The following CBL variants were observed in gnomAD, a reference collection of about 807,000 sequenced individuals.
CBL encodes Cbl proto-oncogene.
In CBL, 45 loss-of-function variants were observed where a neutral mutation model predicts 96.9. That is an observed-to-expected ratio of 0.46 (90% CI 0.37 to 0.60). The LOEUF is 0.60. Ranked by LOEUF, CBL falls within the 20% of genes least tolerant of loss-of-function variation. The probability of loss-of-function intolerance (pLI) is 0.00; values close to 1 mark genes in which losing one functional copy is unlikely to be tolerated. For synonymous variants in CBL, 420 were observed against 426.8 expected (o/e 0.98, Z 0.20); for missense variants, 1,024 against 1,143.5 (o/e 0.90, Z 1.51).
At chr11:119,223,007 C>A (rs964840817) in intron 1 of CBL, among the ~76,000 whole-genome samples, 2 of 151,754 alleles carry the variant, frequency 1.3e-5, no homozygotes, top group Non-Finnish European at 2.9e-5. Flanking sequence ...GAGGCCCTAT[C>A]GCTGCAAAAA....
chr11:119,245,852 C>T (rs1949624035), intron 2 of CBL, among the ~76,000 whole-genome samples: 1 of 150,468 alleles, frequency 6.6e-6, no homozygotes, highest in Non-Finnish European at 1.5e-5. Context: ...TGGGATCTCA[C>T]TATGTTGCCC....
intron 2 of CBL, among the ~76,000 whole-genome samples, chr11:119,257,752 ATTC>A (rs144750406): frequency 0.048 from 7,355 of 152,162 alleles, 584 homozygotes; most frequent in African/African-American, 0.17. Context: ...ATTCATTTTC[ATTC>A]TTCTACATGT....
intron 1 of CBL, among the ~76,000 whole-genome samples, chr11:119,212,760 C>G (rs1949328731): frequency 1.3e-5 from 2 of 151,730 alleles, no homozygotes. Flanking sequence ...CCTGTAATCC[C>G]AGCACTTTGG....
intron 2 of CBL, among the ~76,000 whole-genome samples, chr11:119,251,646 G>A (rs1249419696): frequency 6.6e-6 from 1 of 152,174 alleles, no homozygotes; most frequent in Non-Finnish European, 1.5e-5. Flanking sequence ...CATAACGAGA[G>A]TTTCACTCCT....
Position 119,271,822 on chromosome 11 carries a change from C to CA in CBL, c.532dup (p.Thr178AsnfsTer6). The CA allele has an allele frequency of 6.2e-7, 1 of 1,613,908 alleles. No homozygotes were observed. The highest frequency in any genetic ancestry group is 8.5e-7 in the Non-Finnish European group (1 of 1,179,862). ...TTCCAAGTGGACTCTTTCAGGGAGA[C>CA]ACATTTCGGATTACTAAAGCAGATG... On this transcript the variant is annotated frameshift_variant, in exon 3 of 16. Transcript: ENST00000264033. LOFTEE classifies it high-confidence loss of function.
At position 119,307,093 on chromosome 11, in the gene CBL, T is replaced by C. The variant is rs1950149339; in HGVS notation, c.*7312T>C. On this transcript the variant is annotated 3_prime_UTR_variant, in exon 16 of 16. Coordinates refer to ENST00000264033, the MANE Select transcript of CBL (RefSeq NM_005188.4). ...GTGTCTAGGAGACAGGAAAGAATGC[T>C]CTCTGTGACTGGAGAGGTGACATGC... is the stretch of plus-strand genomic sequence containing the variant. The C allele has an allele frequency of 4.3e-6, 1 of 231,132 alleles. No homozygotes were observed. The highest frequency in any genetic ancestry group is 2.2e-5 in the African/African-American group (1 of 45,212). 14.3% of individuals were successfully genotyped at this position (231,132 alleles called of 1,614,324 possible). A position where few individuals can be genotyped will look rare whatever the true frequency, so the allele number is the denominator to read the frequency against.
intron 2 of CBL, among the ~76,000 whole-genome samples, chr11:119,262,438 A>C (rs1215104353): frequency 6.6e-6 from 1 of 152,234 alleles, no homozygotes; most frequent in African/African-American, 2.4e-5. Context: ...GTTTTGAAGA[A>C]TGTCCCACAG....
chr11:119,253,404 G>C (rs1949685355), intron 2 of CBL, among the ~76,000 whole-genome samples: 1 of 142,350 alleles, frequency 7.0e-6, no homozygotes, highest in African/African-American at 2.6e-5. Context: ...GATCACTTGA[G>C]CCCAGGAGTT....
rs745960985 is a variant in CBL, at chr11:119,278,318, T to C, written c.1227+21T>C. On this transcript the variant is annotated intron_variant, in intron 8 of 15. Transcript: ENST00000264033. Reference sequence around the variant, plus strand: ...GGCAGGTACGGATCTAAACAGCGACTTTTTTCAGCTATGTAATAACCTTGG... The same window carrying C: ...GGCAGGTACGGATCTAAACAGCGACCTTTTTCAGCTATGTAATAACCTTGG... 1.9e-6 allele frequency: 3 copies of C among 1,613,560 alleles called. No individual in the cohort carries two copies. The South Asian group carries it at 3.3e-5, about 18-fold the overall frequency.
chr11:119,226,639 A>G (rs777772736), intron 1 of CBL, among the ~76,000 whole-genome samples: 6 of 151,780 alleles, frequency 4.0e-5, no homozygotes, highest in South Asian at 2.1e-4. Context: ...CGCATTTTTC[A>G]TAGAGACGGA....
In CBL at chr11:119,285,382, T is replaced by C. The variant is rs1029154785; in HGVS notation, c.1757T>C (p.Leu586Pro). ...CTGCCCCCTGTCCCCTCTAGCCGCC[T>C]TGGAGACTCATGGCTGCCCCGGCCA... ...DKLPPVPSSR[L>P]GDSWLPRPIP... Residue 586 changes from leucine (L) to proline (P), a missense_variant, in exon 11 of 16, where the codon CTT becomes CCT. Transcript: ENST00000264033. 17 of 1,614,008 alleles carry C rather than the reference T, an allele frequency of 1.1e-5. No homozygotes were observed. Among genetic ancestry groups the C allele is most frequent in the Non-Finnish European group, 1.2e-5 (14 of 1,180,010 alleles).
intron 2 of CBL, among the ~76,000 whole-genome samples, chr11:119,270,681 C>T (rs191328072): frequency 0.014 from 2,164 of 151,080 alleles, 40 homozygotes; most frequent in African/African-American, 0.048. Context: ...CTCCTGACCT[C>T]GTGATCCGCC....
chr11:119,261,937 TA>T (rs1301588558), intron 2 of CBL, among the ~76,000 whole-genome samples: 1 of 152,234 alleles, frequency 6.6e-6, no homozygotes, highest in African/African-American at 2.4e-5. Context: ...TAGAGTCATT[TA>T]AAAATATTAT....
At chr11:119,222,350 A>G (rs959297824) in intron 1 of CBL, among the ~76,000 whole-genome samples, 1 of 152,192 alleles carries the variant, frequency 6.6e-6, no homozygotes, top group East Asian at 1.9e-4. Context: ...ATTCCTCTTT[A>G]TTGTGATCAT....
chr11:119,216,339 A>ATTT (rs1949359734), intron 1 of CBL, among the ~76,000 whole-genome samples: 4 of 144,122 alleles, frequency 2.8e-5, no homozygotes, highest in South Asian at 4.7e-4. Context: ...GACTTATTGT[A>ATTT]ATTTATTTAT....
At chr11:119,224,237 A>G (rs1284916870) in intron 1 of CBL, among the ~76,000 whole-genome samples, 1 of 152,198 alleles carries the variant, frequency 6.6e-6, no homozygotes, top group Non-Finnish European at 1.5e-5. Flanking sequence ...GGGCTGATAC[A>G]TTGTCATGAA....
intron 1 of CBL, among the ~76,000 whole-genome samples, chr11:119,231,371 C>T (rs1266324747): frequency 6.6e-6 from 1 of 152,116 alleles, no homozygotes; most frequent in Non-Finnish European, 1.5e-5. Flanking sequence ...TGCACCATTG[C>T]ACTCTAGCCT....
chr11:119,304,321 G>A lies in CBL; in HGVS notation c.*4540G>A, dbSNP rs971496181. 8.6e-6 allele frequency: 2 copies of A among 233,186 alleles called. No homozygotes were observed. The highest frequency in any genetic ancestry group is 4.4e-5 in the African/African-American group (2 of 45,336). The allele number at this position is 233,186 out of a possible 1,614,324, so 14.4% of individuals were successfully genotyped here. A position where few individuals can be genotyped will look rare whatever the true frequency, so the allele number is the denominator to read the frequency against. The stretch of plus-strand genomic sequence containing the variant: ...GCCTAGAGGGTGGTGGATAGTGAAG[G>A]ACGGTCAAGGTTATATTTTTGACTG... On this transcript the variant is annotated 3_prime_UTR_variant, in exon 16 of 16. Transcript: ENST00000264033.
At chr11:119,274,554 T>G (rs1949873877) in intron 4 of CBL, among the ~76,000 whole-genome samples, 1 of 152,238 alleles carries the variant, frequency 6.6e-6, no homozygotes, top group Non-Finnish European at 1.5e-5. Context: ...TTTCAGTTTG[T>G]TGTTGTTCAA....
Sources: gnomAD v4.1 joint callset for allele counts (sites outside exome capture counted in the v4.1 genomes callset) on GRCh38, gnomAD v4.1.1 for gene constraint, MANE v1.5 for transcripts, NCBI Gene and HGNC (gene_info 2026-07-23, HGNC 2026-07-21) for gene names.